The following ARB2A variants were observed in gnomAD, a reference collection of about 807,000 sequenced individuals.
ARB2A encodes cotranscriptional regulator ARB2A.
At chr5:93,777,874 T>C in the ARB2A span, among the ~76,000 whole-genome samples, 6 of 152,242 alleles carry the variant, frequency 3.9e-5, no homozygotes, top group East Asian at 9.7e-4. Flanking sequence ...TTGAATAGAT[T>C]TGTCAAGGCA....
chr5:93,951,949 C>T, the ARB2A span, among the ~76,000 whole-genome samples: 4 of 152,154 alleles, frequency 2.6e-5, no homozygotes, highest in Non-Finnish European at 5.9e-5. Flanking sequence ...GGTGTTGCAA[C>T]TTCAAGGGAT....
chr5:93,943,268 A>C, the ARB2A span, among the ~76,000 whole-genome samples: 2 of 152,134 alleles, frequency 1.3e-5, no homozygotes, highest in East Asian at 3.8e-4. Context: ...TTAACAAGTA[A>C]TTTATAATTT....
chr5:93,726,189 A>T, the ARB2A span, among the ~76,000 whole-genome samples: 1 of 152,068 alleles, frequency 6.6e-6, no homozygotes, highest in African/African-American at 2.4e-5. Context: ...TGTGGCCTGT[A>T]TATTAAATTT....
chr5:94,022,807 G>T, the ARB2A span, among the ~76,000 whole-genome samples: 1 of 152,188 alleles, frequency 6.6e-6, no homozygotes, highest in African/African-American at 2.4e-5. Context: ...AAAAGTAGGA[G>T]AAAATAAAGG....
the ARB2A span, among the ~76,000 whole-genome samples, chr5:93,826,757 C>A: frequency 1.7e-5 from 2 of 118,802 alleles, no homozygotes; most frequent in Non-Finnish European, 3.4e-5. Context: ...CCCCCCACCC[C>A]ACAACAGGCC....
the ARB2A span, among the ~76,000 whole-genome samples, chr5:93,719,025 T>A: frequency 1.3e-5 from 2 of 152,238 alleles, no homozygotes; most frequent in South Asian, 4.1e-4. Flanking sequence ...TCTGTAGACA[T>A]CCTATCATTT....
At chr5:93,742,608 T>C in the ARB2A span, among the ~76,000 whole-genome samples, 5 of 152,194 alleles carry the variant, frequency 3.3e-5, no homozygotes, top group African/African-American at 1.2e-4. Context: ...TAGACAATCA[T>C]AGCCCTTCAT....
At chr5:94,061,723 A>T in the ARB2A span, among the ~76,000 whole-genome samples, 1 of 152,232 alleles carries the variant, frequency 6.6e-6, no homozygotes, top group African/African-American at 2.4e-5. Context: ...TAAAATACTT[A>T]CATATAAAGC....
the ARB2A span, chr5:93,741,367 C>A: frequency 3.1e-6 from 5 of 1,611,654 alleles, no homozygotes; most frequent in Non-Finnish European, 4.2e-6. Context: ...TGGCAGGGGA[C>A]CCAGGGGAAT....
the ARB2A span, among the ~76,000 whole-genome samples, chr5:94,074,943 T>C: frequency 6.6e-6 from 1 of 152,124 alleles, no homozygotes; most frequent in Admixed American, 6.6e-5. Context: ...TTTATGAATT[T>C]ATCTGAGTCA....
chr5:94,060,760 C>T, the ARB2A span, among the ~76,000 whole-genome samples: 2 of 152,060 alleles, frequency 1.3e-5, no homozygotes, highest in Non-Finnish European at 2.9e-5. Flanking sequence ...CAAAAATCTT[C>T]AACAAAATAT....
the ARB2A span, among the ~76,000 whole-genome samples, chr5:93,868,893 T>G: frequency 6.6e-6 from 1 of 152,220 alleles, no homozygotes; most frequent in African/African-American, 2.4e-5. Context: ...TTTAATCGCA[T>G]TTCGACTGCC....
At chr5:93,976,490 T>TA in the ARB2A span, among the ~76,000 whole-genome samples, 1 of 152,190 alleles carries the variant, frequency 6.6e-6, no homozygotes, top group Non-Finnish European at 1.5e-5. Context: ...TCTCGAATTG[T>TA]AATCCCCACC....
chr5:93,870,581 T>C, the ARB2A span, among the ~76,000 whole-genome samples: 1 of 152,258 alleles, frequency 6.6e-6, no homozygotes, highest in Non-Finnish European at 1.5e-5. Flanking sequence ...TATTTCATTA[T>C]AGTATTAAGA....
chr5:93,875,384 A>G, the ARB2A span, among the ~76,000 whole-genome samples: 1 of 151,992 alleles, frequency 6.6e-6, no homozygotes, highest in Non-Finnish European at 1.5e-5. Context: ...GGTGCCCACC[A>G]CCATGCCTGG....
chr5:93,769,136 G>C, the ARB2A span, among the ~76,000 whole-genome samples: 1 of 152,018 alleles, frequency 6.6e-6, no homozygotes, highest in Non-Finnish European at 1.5e-5. Context: ...AGCAAATCTA[G>C]TTATAAAGGA....
At chr5:93,777,680 C>T in the ARB2A span, among the ~76,000 whole-genome samples, 1 of 152,040 alleles carries the variant, frequency 6.6e-6, no homozygotes, top group East Asian at 1.9e-4. Flanking sequence ...TTTTTAGATG[C>T]TTGCTTCCCT....
chr5:93,955,365 C>T, the ARB2A span, among the ~76,000 whole-genome samples: 1 of 152,104 alleles, frequency 6.6e-6, no homozygotes, highest in East Asian at 1.9e-4. Context: ...TTAATAAGCT[C>T]AGTCCACCAT....
the ARB2A span, among the ~76,000 whole-genome samples, chr5:94,071,353 T>C: frequency 4.6e-5 from 7 of 151,680 alleles, no homozygotes; most frequent in Non-Finnish European, 7.4e-5. Context: ...TTCTTTGACA[T>C]GACACTAAAT....
Sources: gnomAD v4.1 joint callset for allele counts (sites outside exome capture counted in the v4.1 genomes callset) on GRCh38, gnomAD v4.1.1 for gene constraint, MANE v1.5 for transcripts, NCBI Gene and HGNC (gene_info 2026-07-23, HGNC 2026-07-21) for gene names.